The following IL15 variants were observed in gnomAD, a reference collection of about 807,000 sequenced individuals.
The protein encoded by IL15 is interleukin-15.
IL15 carries 11 observed loss-of-function variants against 19.6 expected under a neutral mutation model. That is an observed-to-expected ratio of 0.56 (90% CI 0.35 to 0.93). The LOEUF (loss-of-function observed/expected upper bound fraction) is 0.93. Ranked by LOEUF, IL15 falls within the 40% of genes least tolerant of loss-of-function variation. IL15 has a pLI of 0.01. For missense variants in IL15, 197 were observed against 186.5 expected (o/e 1.06, Z -0.33); for synonymous variants, 58 against 59.6 (o/e 0.97, Z 0.12).
chr4:141,693,763 TAGTG>T (rs1729004142), intron 2 of IL15, among the ~76,000 whole-genome samples: 1 of 152,114 alleles, frequency 6.6e-6, no homozygotes, highest in Non-Finnish European at 1.5e-5. Context: ...CAAAAAAAAT[TAGTG>T]AGCCCATACT....
chr4:141,670,876 T>C (rs1325142447), intron 2 of IL15, among the ~76,000 whole-genome samples: 1 of 152,148 alleles, frequency 6.6e-6, no homozygotes, highest in Non-Finnish European at 1.5e-5. Flanking sequence ...ATATAACATA[T>C]CTAAGTACTA....
intron 2 of IL15, among the ~76,000 whole-genome samples, chr4:141,669,801 T>C (rs1728109105): frequency 6.6e-6 from 1 of 151,268 alleles, no homozygotes; most frequent in Non-Finnish European, 1.5e-5. Flanking sequence ...ACTATTCTTT[T>C]AATATATATT....
chr4:141,711,930 A>T (rs918061077), intron 2 of IL15, among the ~76,000 whole-genome samples: 2 of 152,112 alleles, frequency 1.3e-5, no homozygotes, highest in Non-Finnish European at 2.9e-5. Flanking sequence ...GATCAGATTC[A>T]TTCTGATTTT....
chr4:141,712,015 T>C (rs1430120506), intron 2 of IL15, among the ~76,000 whole-genome samples: 2 of 152,118 alleles, frequency 1.3e-5, no homozygotes, highest in Non-Finnish European at 2.9e-5. Context: ...AATTGCTGTG[T>C]TTTTCAATTA....
At chr4:141,704,632 A>T (rs1729448061) in intron 2 of IL15, 1 of 352,798 alleles carries the variant, frequency 2.8e-6, no homozygotes, top group African/African-American at 2.2e-5. Flanking sequence ...TTAGTACTTT[A>T]TATATTTGGT....
chr4:141,684,325 G>T (rs1305839820), intron 2 of IL15, among the ~76,000 whole-genome samples: 1 of 152,086 alleles, frequency 6.6e-6, no homozygotes, highest in Admixed American at 6.5e-5. Flanking sequence ...ATAGGTAAAC[G>T]ACTGGTCTGA....
Position 141,721,984 on chromosome 4 carries a change from G to GA in IL15, c.178dup (p.Ile60AsnfsTer2). The GA allele has an allele frequency of 5.0e-6, 8 of 1,590,166 alleles. No individual in the cohort carries two copies. The highest frequency in any genetic ancestry group is 1.1e-5 in the South Asian group (1 of 88,436). On this transcript the variant is annotated frameshift_variant, in exon 5 of 8. Transcript: ENST00000320650. LOFTEE classifies it high-confidence loss of function. ...ACTGGGTGAATGTAATAAGTGATTTGAAAAAAATTGAAGATCTTATTCAAG... is the reference window on the plus strand; with the variant it reads ...ACTGGGTGAATGTAATAAGTGATTTGAAAAAAAATTGAAGATCTTATTCAAG...
chr4:141,705,634 T>A (rs920032910), intron 2 of IL15, among the ~76,000 whole-genome samples: 2 of 152,046 alleles, frequency 1.3e-5, no homozygotes, highest in Admixed American at 1.3e-4. Flanking sequence ...CTTTGTTGAT[T>A]TTTTGTCTAG....
intron 2 of IL15, among the ~76,000 whole-genome samples, chr4:141,679,065 C>T (rs748287360): frequency 6.6e-6 from 1 of 152,148 alleles, no homozygotes; most frequent in Non-Finnish European, 1.5e-5. Context: ...TCATGACTCA[C>T]CAGGCCAGAG....
At chr4:141,672,596 A>T (rs1408704291) in intron 2 of IL15, among the ~76,000 whole-genome samples, 1 of 152,200 alleles carries the variant, frequency 6.6e-6, no homozygotes, top group Non-Finnish European at 1.5e-5. Flanking sequence ...AAAGCAGAAA[A>T]CACAAACTTG....
intron 2 of IL15, among the ~76,000 whole-genome samples, chr4:141,698,346 C>A (rs565626660): frequency 6.6e-6 from 1 of 151,798 alleles, no homozygotes; most frequent in Non-Finnish European, 1.5e-5. Flanking sequence ...GTGATACTGG[C>A]GTTATAGAAT....
chr4:141,727,641 A>G (rs959197672), intron 5 of IL15, among the ~76,000 whole-genome samples: 4 of 152,116 alleles, frequency 2.6e-5, no homozygotes, highest in Non-Finnish European at 5.9e-5. Context: ...CACATATGCA[A>G]GCACACACAC....
chr4:141,706,154 ATTGT>A (rs748790783), intron 2 of IL15, among the ~76,000 whole-genome samples: 10 of 150,072 alleles, frequency 6.7e-5, no homozygotes, highest in Non-Finnish European at 1.3e-4. Context: ...TTCCTCTTTT[ATTGT>A]TTATCTCTGT....
chr4:141,722,004 T>C lies in IL15; in HGVS notation c.191T>C (p.Ile64Thr). Residue 64 changes from isoleucine (I) to threonine (T), a missense_variant, in exon 5 of 8, where the codon ATT becomes ACT. By Grantham distance (89) the Ile-to-Thr change is moderately conservative. Transcript: ENST00000320650. ...GATTTGAAAAAAATTGAAGATCTTA[T>C]TCAAGTGAGTACTCATTTTTCCATA... ...ISDLKKIEDL[I>T]QSMHIDATLY... is the part of the protein sequence containing the mutation. 1 of 1,587,104 alleles carries C rather than the reference T, an allele frequency of 6.3e-7. No individual in the cohort carries two copies. The highest frequency in any genetic ancestry group is 8.6e-7 in the Non-Finnish European group (1 of 1,160,054).
intron 2 of IL15, among the ~76,000 whole-genome samples, chr4:141,702,466 T>A (rs1393934654): frequency 1.3e-5 from 2 of 151,944 alleles, no homozygotes; most frequent in Non-Finnish European, 2.9e-5. Context: ...GGCAGGGGAG[T>A]GACGTAGACT....
intron 1 of IL15, among the ~76,000 whole-genome samples, chr4:141,639,685 A>G (rs1726980350): frequency 6.6e-6 from 1 of 152,202 alleles, no homozygotes; most frequent in Admixed American, 6.5e-5. Flanking sequence ...CTCTCTTCAG[A>G]AGGCATTATG....
chr4:141,640,584 A>C (rs187442859), intron 1 of IL15, among the ~76,000 whole-genome samples: 6 of 152,310 alleles, frequency 3.9e-5, no homozygotes, highest in African/African-American at 1.2e-4. Flanking sequence ...AAACAAACAA[A>C]AAAAAAAGTT....
At chr4:141,647,225 G>C (rs17007476) in intron 1 of IL15, among the ~76,000 whole-genome samples, 5,902 of 152,080 alleles carry the variant, frequency 0.039, 372 homozygotes, top group African/African-American at 0.13. Flanking sequence ...AGAGAATGCC[G>C]AAGATTTTAA....
At chr4:141,724,705 A>G (rs1232801724) in intron 5 of IL15, among the ~76,000 whole-genome samples, 2 of 152,106 alleles carry the variant, frequency 1.3e-5, no homozygotes, top group Admixed American at 1.3e-4. Flanking sequence ...CTTAGAGGAA[A>G]TGGACCAATT....
Sources: allele counts gnomAD v4.1 joint callset (sites outside exome capture counted in the v4.1 genomes callset), GRCh38; gene constraint gnomAD v4.1.1; transcripts MANE v1.5; gene names NCBI Gene and HGNC (gene_info 2026-07-23, HGNC 2026-07-21).